The following ADGRD1 variants were observed in gnomAD, a reference collection of about 807,000 sequenced individuals.
The protein encoded by ADGRD1 is G-protein coupled receptor 133.
In ADGRD1, 77 loss-of-function variants were observed where a neutral mutation model predicts 113.4. The observed-to-expected ratio is 0.68, with a 90% CI of 0.57 to 0.82. The LOEUF is 0.82. Among genes scored for constraint, ADGRD1 ranks in the 40% least tolerant of loss-of-function variants. The pLI is 0.00. For missense variants in ADGRD1, 1,036 were observed against 1,139.1 expected (o/e 0.91, Z 1.30); for synonymous variants, 474 against 475.0 (o/e 1.00, Z 0.03).
intron 6 of ADGRD1, chr12:130,987,978 G>C (rs1390784979): frequency 6.4e-6 from 1 of 155,500 alleles, no homozygotes; most frequent in African/African-American, 2.4e-5. Context: ...AGGAAACCCC[G>C]CACCCGGTGA....
At chr12:131,020,582 C>T (rs528197561) in intron 13 of ADGRD1, among the ~76,000 whole-genome samples, 26 of 152,246 alleles carry the variant, frequency 1.7e-4, no homozygotes, top group Non-Finnish European at 3.1e-4. Flanking sequence ...TGGCCATGCC[C>T]ACCTGGACAT....
intron 16 of ADGRD1, among the ~76,000 whole-genome samples, chr12:131,105,320 G>A (rs1357529521): frequency 6.6e-6 from 1 of 152,262 alleles, no homozygotes; most frequent in Non-Finnish European, 1.5e-5. Context: ...ATCACGCCAC[G>A]AGGCAGCAGG....
chr12:131,108,622 C>A (rs902788650), intron 17 of ADGRD1, 102 bp from the exon 18 acceptor site: 2 of 1,533,020 alleles, frequency 1.3e-6, no homozygotes, highest in Admixed American at 1.7e-5. Flanking sequence ...GTCACATGAC[C>A]AAAAGACCAC....
At chr12:130,993,251 C>T (rs1874665887) in intron 8 of ADGRD1, among the ~76,000 whole-genome samples, 1 of 151,984 alleles carries the variant, frequency 6.6e-6, no homozygotes, top group African/African-American at 2.4e-5. Flanking sequence ...GATTTCCTTG[C>T]TGAAGTCACA....
intron 18 of ADGRD1, among the ~76,000 whole-genome samples, chr12:131,114,496 A>G (rs1018726981): frequency 6.6e-5 from 10 of 152,026 alleles, no homozygotes; most frequent in Non-Finnish European, 1.3e-4. Flanking sequence ...AATTAATTTC[A>G]TCAGGAGCCC....
intron 13 of ADGRD1, chr12:131,024,090 T>C (rs1259763032): frequency 6.6e-6 from 1 of 152,270 alleles, no homozygotes. Context: ...GGGGTTAGCA[T>C]CTGGATGATC....
intron 9 of ADGRD1, chr12:131,002,613 T>C: frequency 9.4e-7 from 1 of 1,063,792 alleles, no homozygotes; most frequent in Admixed American, 5.1e-5. Context: ...CCCTGCTTTC[T>C]TGGGGGCAGT....
At chr12:130,969,423 G>GAT in intron 3 of ADGRD1, 1 of 209,218 alleles carries the variant, frequency 4.8e-6, no homozygotes. Flanking sequence ...TACCGCCCGA[G>GAT]CTCCACCTCC....
chr12:131,007,135 A>G (rs1283683958), intron 12 of ADGRD1, among the ~76,000 whole-genome samples: 1 of 152,236 alleles, frequency 6.6e-6, no homozygotes, highest in Non-Finnish European at 1.5e-5. Context: ...CACGGCCCAC[A>G]ACGTCACAAA....
chr12:130,961,314 T>C (rs1463894654), intron 2 of ADGRD1, among the ~76,000 whole-genome samples: 3 of 152,198 alleles, frequency 2.0e-5, no homozygotes, highest in Non-Finnish European at 4.4e-5. Flanking sequence ...ACACCAAACT[T>C]AATAAAACAT....
At chr12:130,993,111 C>T (rs534649873) in intron 8 of ADGRD1, among the ~76,000 whole-genome samples, 6 of 152,262 alleles carry the variant, frequency 3.9e-5, no homozygotes, top group Middle Eastern at 6.8e-3. Context: ...ACATCTCTGC[C>T]TCACTTGGCT....
intron 13 of ADGRD1, among the ~76,000 whole-genome samples, chr12:131,074,855 C>T (rs550272935): frequency 6.6e-6 from 1 of 152,296 alleles, no homozygotes; most frequent in South Asian, 2.1e-4. Flanking sequence ...CTGCCTTCCC[C>T]ACCCTCCGAC....
intron 20 of ADGRD1, among the ~76,000 whole-genome samples, chr12:131,124,293 A>G (rs940320321): frequency 6.6e-6 from 1 of 152,238 alleles, no homozygotes; most frequent in Non-Finnish European, 1.5e-5. Flanking sequence ...TAAAAGCTCT[A>G]TATGGGTACA....
At chr12:130,975,535 A>G (rs1018858784) in intron 4 of ADGRD1, among the ~76,000 whole-genome samples, 23 of 152,180 alleles carry the variant, frequency 1.5e-4, no homozygotes, top group African/African-American at 5.3e-4. Flanking sequence ...CTGACTGGAC[A>G]CTCAAGCATG....
Position 131,104,863 on chromosome 12 carries a change from T to C in ADGRD1, c.1704T>C (p.Ser568=). ...GCGGACACCAGGTGGCGCTGTCGTC[T>C]ATCAGCTATGTGGGCTGCTCCCTCT... ...LARGHQVALS[S]ISYVGCSLSV... is the part of the protein sequence containing the mutation. Residue 568 remains serine, a synonymous_variant, in exon 16 of 25, where the codon TCT becomes TCC. Transcript: ENST00000261654. The C allele has an allele frequency of 1.9e-6, 3 of 1,550,480 alleles. No homozygotes were observed. Among genetic ancestry groups the C allele is most frequent in the Non-Finnish European group, 2.6e-6 (3 of 1,147,122 alleles).
intron 14 of ADGRD1, among the ~76,000 whole-genome samples, chr12:131,083,368 G>A (rs1179031859): frequency 6.6e-6 from 1 of 152,044 alleles, no homozygotes; most frequent in Non-Finnish European, 1.5e-5. Flanking sequence ...TTGGGAGGCT[G>A]AGGCAGGAAG....
rs559571161 is a variant in ADGRD1, at chr12:130,971,336, A to G, written c.188-122A>G. On this transcript the variant is annotated intron_variant, in intron 3 of 24. Coordinates refer to ENST00000261654, the MANE Select transcript of ADGRD1 (RefSeq NM_198827.5). The surrounding 1 kb of genome is among the most constrained non-coding windows in gnomAD (Gnocchi z 4.2). ...TAGAATAATATATGATGTTATAAAT[A>G]TATACTTAGATAAATAATAATGCAT... 31 of 508,698 alleles carry G rather than the reference A, an allele frequency of 6.1e-5. No homozygotes were observed. The highest frequency in any genetic ancestry group is 2.7e-4 in the Admixed American group (7 of 26,282). The allele number at this position is 508,698 out of a possible 1,614,324, so 31.5% of individuals were successfully genotyped here. A position where few individuals can be genotyped will look rare whatever the true frequency, so the allele number is the denominator to read the frequency against.
chr12:131,121,022 G>A, intron 20 of ADGRD1, 109 bp downstream of exon 20: 1 of 970,576 alleles, frequency 1.0e-6, no homozygotes, highest in South Asian at 1.5e-5. Context: ...TCCGAAGGAT[G>A]CAGCGTCGTT....
intron 20 of ADGRD1, among the ~76,000 whole-genome samples, chr12:131,130,755 G>A (rs186394845): frequency 1.3e-5 from 2 of 150,100 alleles, no homozygotes; most frequent in Admixed American, 6.6e-5. Flanking sequence ...CATCCCGTGC[G>A]GGGGGAGAGC....
Sources: gnomAD v4.1 joint callset for allele counts (sites outside exome capture counted in the v4.1 genomes callset) on GRCh38, gnomAD v4.1.1 for gene constraint, Gnocchi (gnomAD v3.1) non-coding constraint, MANE v1.5 for transcripts, NCBI Gene and HGNC (gene_info 2026-07-23, HGNC 2026-07-21) for gene names.